PDE3A: variants seen among roughly 807,000 people sequenced by gnomAD.
PDE3A encodes phosphodiesterase 3A, also known as cGMP-inhibited 3',5'-cyclic phosphodiesterase 3A.
A neutral mutation model predicts 98.3 loss-of-function variants in PDE3A; 43 were observed. The observed-to-expected ratio is 0.44, with a 90% CI of 0.34 to 0.56. PDE3A has a LOEUF of 0.56. Ranked by LOEUF, PDE3A falls within the 20% of genes least tolerant of loss-of-function variation. PDE3A has a pLI of 0.01. For synonymous variants in PDE3A, 663 were observed against 567.9 expected, an observed-to-expected ratio of 1.17 and a Z score of -2.38; for missense variants, 1,427 against 1,440.7, an observed-to-expected ratio of 0.99 and a Z score of 0.15.
intron 1 of PDE3A, among the ~76,000 whole-genome samples, chr12:20,452,563 G>C (rs1190800404): frequency 6.6e-6 from 1 of 152,168 alleles, no homozygotes; most frequent in Admixed American, 6.5e-5. Flanking sequence ...CGCAGTTAAT[G>C]GTGTAGTTAC....
At chr12:20,658,044 A>G (rs1273839848) in intron 15 of PDE3A, among the ~76,000 whole-genome samples, 2 of 152,208 alleles carry the variant, frequency 1.3e-5, no homozygotes, top group African/African-American at 4.8e-5. Context: ...ACATTTAAAC[A>G]TTTCTCAACA....
At chr12:20,607,829 AGTTTT>A in intron 2 of PDE3A, among the ~76,000 whole-genome samples, 1 of 152,170 alleles carries the variant, frequency 6.6e-6, no homozygotes, top group African/African-American at 2.4e-5. Flanking sequence ...TCAGATTGTT[AGTTTT>A]AAGACTTTTC....
chr12:20,592,821 G>T (rs971281675), intron 2 of PDE3A, among the ~76,000 whole-genome samples: 4 of 152,144 alleles, frequency 2.6e-5, no homozygotes, highest in Non-Finnish European at 5.9e-5. Context: ...AATACAAGGG[G>T]TGGGGGAGTC....
At chr12:20,383,923 G>C (rs1444134041) in intron 1 of PDE3A, among the ~76,000 whole-genome samples, 2 of 151,916 alleles carry the variant, frequency 1.3e-5, no homozygotes, top group Non-Finnish European at 2.9e-5. Flanking sequence ...GTGAGAGTAG[G>C]TGTTACGATG....
At position 20,626,750 on chromosome 12, in the gene PDE3A, G is replaced by T. The variant is rs139728686; in HGVS notation, c.1541-3158G>T. On this transcript the variant is annotated intron_variant, in intron 5 of 15. Transcript: ENST00000359062. ...TGACCTCAAGTGATCTGCCCTCCTC[G>T]GCCTCCCAAAGTGCTAGGATTACAG... is the stretch of plus-strand genomic sequence containing the variant. Among the ~76,000 whole-genome samples the T allele has an allele frequency of 6.4e-3, 976 of 152,120 alleles. 8 individuals are homozygous for T. Among genetic ancestry groups the T allele is most frequent in the South Asian group, 0.043 (207 of 4,816 alleles).
chr12:20,566,438 C>A (rs77168688), intron 2 of PDE3A, among the ~76,000 whole-genome samples: 3,657 of 151,870 alleles, frequency 0.024, 82 homozygotes, highest in African/African-American at 0.056. Flanking sequence ...TAATCATATT[C>A]TTTGTTTTCA....
chr12:20,650,544 T>C lies in PDE3A; in HGVS notation c.2869T>C (p.Cys957Arg), dbSNP rs1328086638. The C allele has an allele frequency of 2.5e-6, 4 of 1,611,958 alleles. No individual in the cohort carries two copies. In the African/African-American group the frequency reaches 4.0e-5, roughly 16 times the overall value. ...KLADINGPAKCKELHLQWTDG... is the reference protein window; with the variant it reads ...KLADINGPAKRKELHLQWTDG... ...GGCTGATATCAATGGTCCAGCTAAATGTAAAGAACTCCATCTTCAGTGGAC... is the reference window on the plus strand; with the variant it reads ...GGCTGATATCAATGGTCCAGCTAAACGTAAAGAACTCCATCTTCAGTGGAC... Residue 957 changes from cysteine (C) to arginine (R), a missense_variant, in exon 14 of 16, where the codon TGT becomes CGT. Coordinates refer to ENST00000359062, the MANE Select transcript of PDE3A (RefSeq NM_000921.5).
intron 1 of PDE3A, among the ~76,000 whole-genome samples, chr12:20,523,147 A>G (rs1329536849): frequency 6.6e-6 from 1 of 152,048 alleles, no homozygotes; most frequent in African/African-American, 2.4e-5. Context: ...CTTGAGATTG[A>G]TATGTTGAAA....
At chr12:20,670,127 C>G (rs1219174877) in intron 15 of PDE3A, among the ~76,000 whole-genome samples, 2 of 150,320 alleles carry the variant, frequency 1.3e-5, no homozygotes, top group Non-Finnish European at 1.5e-5. Context: ...GTAAAGGGAT[C>G]AATTCAACAA....
intron 1 of PDE3A, chr12:20,450,071 T>A: frequency 1.7e-6 from 1 of 576,780 alleles, no homozygotes; most frequent in Non-Finnish European, 3.2e-6. Flanking sequence ...AGCTCCTTCA[T>A]CAGCCTTCTG....
In PDE3A at chr12:20,552,554, C is replaced by T. The variant is rs903758255; in HGVS notation, c.961-4106C>T. 34 of 1,613,422 alleles carry T rather than the reference C, an allele frequency of 2.1e-5. No homozygotes were observed. In the African/African-American group the frequency reaches 2.8e-4, roughly 13 times the overall value. On this transcript the variant is annotated intron_variant, in intron 1 of 15. Coordinates refer to ENST00000359062, the MANE Select transcript of PDE3A (RefSeq NM_000921.5). This position sits in a 1 kb window ranked among gnomAD's most constrained non-coding sequence, Gnocchi z 5.1. ...GAGGGGGGCTTCGCGTCCCCCAGGA[C>T]GGGCAAGGGCAAGTGGAAGCGGAAG...
At chr12:20,474,916 A>C (rs966158933) in intron 1 of PDE3A, among the ~76,000 whole-genome samples, 2 of 152,112 alleles carry the variant, frequency 1.3e-5, no homozygotes, top group African/African-American at 4.8e-5. Context: ...GAATGTGGCT[A>C]TCTTTGGGGG....
chr12:20,462,598 A>G (rs1945270197), intron 1 of PDE3A, among the ~76,000 whole-genome samples: 1 of 152,160 alleles, frequency 6.6e-6, no homozygotes, highest in African/African-American at 2.4e-5. Context: ...GGCCGTATAG[A>G]TAATTCTGAT....
intron 3 of PDE3A, among the ~76,000 whole-genome samples, chr12:20,615,521 C>G (rs548126442): frequency 1.3e-5 from 2 of 152,016 alleles, no homozygotes; most frequent in East Asian, 3.9e-4. Flanking sequence ...GACTGTGGTG[C>G]AAGGTGATAT....
At chr12:20,392,604 A>G (rs1943939288) in intron 1 of PDE3A, among the ~76,000 whole-genome samples, 1 of 152,016 alleles carries the variant, frequency 6.6e-6, no homozygotes, top group African/African-American at 2.4e-5. Context: ...TTCCTCAAAA[A>G]ACTAAAAATA....
intron 2 of PDE3A, among the ~76,000 whole-genome samples, chr12:20,569,028 G>A (rs1449358416): frequency 1.3e-5 from 2 of 151,974 alleles, no homozygotes; most frequent in African/African-American, 4.8e-5. Context: ...TAATAAATAT[G>A]TGTGTATAAA....
At chr12:20,533,171 G>A (rs1014606058) in intron 1 of PDE3A, among the ~76,000 whole-genome samples, 4 of 152,022 alleles carry the variant, frequency 2.6e-5, no homozygotes, top group Non-Finnish European at 5.9e-5. Context: ...GCACAGCTAG[G>A]CCTACCATTA....
chr12:20,386,152 T>TATATAAAA (rs1565532658), intron 1 of PDE3A, among the ~76,000 whole-genome samples: 1 of 83,694 alleles, frequency 1.2e-5, no homozygotes, highest in Non-Finnish European at 2.1e-5. Context: ...AATATATATA[T>TATATAAAA]AAATATATAT....
In PDE3A at chr12:20,630,111, C is replaced by T; in HGVS notation, c.1744C>T (p.Pro582Ser). The T allele has an allele frequency of 1.2e-6, 2 of 1,608,376 alleles. No homozygotes were observed. Among genetic ancestry groups the T allele is most frequent in the Non-Finnish European group, 1.7e-6 (2 of 1,174,882 alleles). The change falls in exon 6 of 16, where the codon CCT becomes TCT. Residue 582 changes from proline (P) to serine (S), a missense_variant. Coordinates refer to ENST00000359062, the MANE Select transcript of PDE3A (RefSeq NM_000921.5). Reference sequence around the variant, plus strand: ...CCTATCCCCTCAAATCCTGACTCCACCTGTTATATGTAGCAGGTAAGGATT... The same window carrying T: ...CCTATCCCCTCAAATCCTGACTCCATCTGTTATATGTAGCAGGTAAGGATT... ...PDLSPQILTP[P>S]VICSSCGRPY... is the part of the protein sequence containing the mutation.
Sources: allele counts gnomAD v4.1 joint callset (sites outside exome capture counted in the v4.1 genomes callset), GRCh38; gene constraint gnomAD v4.1.1; non-coding constraint Gnocchi (gnomAD v3.1); transcripts MANE v1.5; gene names NCBI Gene and HGNC (gene_info 2026-07-23, HGNC 2026-07-21).